CES5A: variants seen among roughly 807,000 people sequenced by gnomAD.
CES5A encodes carboxylesterase 5A.
A neutral mutation model predicts 62.9 loss-of-function variants in CES5A; 67 were observed. The observed-to-expected ratio is 1.07, with a 90% CI of 0.88 to 1.31. The LOEUF (loss-of-function observed/expected upper bound fraction) is 1.31. CES5A is among the 50% of genes most tolerant of loss of function. CES5A has a pLI of 0.00. For synonymous variants in CES5A, 296 were observed against 280.8 expected, an observed-to-expected ratio of 1.05 and a Z score of -0.54; for missense variants, 748 against 708.5, an observed-to-expected ratio of 1.06 and a Z score of -0.63.
intron 2 of CES5A, among the ~76,000 whole-genome samples, chr16:55,944,923 A>G (rs1389283007): frequency 1.3e-5 from 2 of 152,224 alleles, no homozygotes; most frequent in Non-Finnish European, 1.5e-5. Flanking sequence ...CCCAGACCCT[A>G]TACTCAAGGG....
intron 8 of CES5A, among the ~76,000 whole-genome samples, chr16:55,858,836 C>T (rs1288616475): frequency 6.6e-6 from 1 of 152,196 alleles, no homozygotes; most frequent in East Asian, 1.9e-4. Flanking sequence ...ATCAAAAAAT[C>T]ATGGGTCTTT....
chr16:55,930,244 A>G (rs753910772), upstream of CES5A, among the ~76,000 whole-genome samples: 8 of 150,688 alleles, frequency 5.3e-5, no homozygotes, highest in Non-Finnish European at 7.4e-5. Flanking sequence ...TGTCTGACCA[A>G]CTGGATCCCC....
intron 11 of CES5A, among the ~76,000 whole-genome samples, chr16:55,849,255 T>C (rs986715856): frequency 6.6e-6 from 1 of 152,110 alleles, no homozygotes; most frequent in Admixed American, 6.5e-5. Flanking sequence ...CCTTGCCTCT[T>C]AAAGCCTCAG....
At chr16:55,871,905 A>G in intron 2 of CES5A, 142 bp from the exon 3 acceptor site, 1 of 756,922 alleles carries the variant, frequency 1.3e-6, no homozygotes, top group Non-Finnish European at 2.1e-6. Flanking sequence ...AAGTCCAATC[A>G]TGCCCAAACC....
chr16:55,951,103 CAAAAAAAAAAAA>C (rs55951124), intron 1 of CES5A, among the ~76,000 whole-genome samples: 7 of 44,364 alleles, frequency 1.6e-4, no homozygotes, highest in African/African-American at 2.5e-4. Context: ...GACTCCATCT[CAAAAAAAAAAAA>C]AAAAAAAAAA....
In CES5A at chr16:55,875,327, A is replaced by G; in HGVS notation, c.-106T>C. On this transcript the variant is annotated 5_prime_UTR_variant, in exon 1 of 13. Coordinates refer to ENST00000290567, the MANE Select transcript of CES5A (RefSeq NM_001143685.2). ...TCCTGTTAACAGGCAAATGCTGAAT[A>G]GGCAGGCAGAGGCAGCAGAGTTACT... 3 of 1,515,646 alleles carry G rather than the reference A, an allele frequency of 2.0e-6. No homozygotes were observed. The highest frequency in any genetic ancestry group is 2.6e-6 in the Non-Finnish European group (3 of 1,136,234). 93.9% of individuals were successfully genotyped at this position (1,515,646 alleles called of 1,614,324 possible).
chr16:55,848,572 T>C (rs2033064202), intron 11 of CES5A, among the ~76,000 whole-genome samples: 2 of 152,226 alleles, frequency 1.3e-5, no homozygotes, highest in African/African-American at 4.8e-5. Flanking sequence ...GTTTTCTTGT[T>C]ATGAGGGAGG....
At chr16:55,941,053 T>C (rs1222593581) in intron 2 of CES5A, among the ~76,000 whole-genome samples, 2 of 152,142 alleles carry the variant, frequency 1.3e-5, no homozygotes, top group African/African-American at 2.4e-5. Context: ...TTCTACTTAA[T>C]GGCAAATTAT....
intron 1 of CES5A, among the ~76,000 whole-genome samples, chr16:55,890,535 A>G (rs1312730054): frequency 6.6e-6 from 1 of 152,212 alleles, no homozygotes; most frequent in Non-Finnish European, 1.5e-5. Context: ...TGAGACCTGC[A>G]TAACCTTGAT....
intron 1 of CES5A, among the ~76,000 whole-genome samples, chr16:55,898,826 A>T (rs889432633): frequency 2.0e-5 from 3 of 152,122 alleles, no homozygotes; most frequent in Admixed American, 6.6e-5. Flanking sequence ...TGAGATCATC[A>T]CAGGCATGGT....
Position 55,854,544 on chromosome 16 carries a change from C to CTTTTTTTT in CES5A, c.1126-1524_1126-1517dup, listed in dbSNP as rs56017491. Among the ~76,000 whole-genome samples the CTTTTTTTT allele has an allele frequency of 1.3e-3, 82 of 64,406 alleles. 19 individuals are homozygous for CTTTTTTTT. In the South Asian group the frequency reaches 0.034, roughly 26 times the overall value. The allele number at this position is 64,406 out of a possible 152,430, so 42.3% of individuals were successfully genotyped here. On this transcript the variant is annotated intron_variant, in intron 9 of 12. Coordinates refer to ENST00000290567, the MANE Select transcript of CES5A (RefSeq NM_001143685.2). ...CCTGTAGTGTTTCTTTTTTTTTTTT[C>CTTTTTTTT]TTTTTTTTTTTTTGAGACAGAGTCT...
At chr16:55,884,655 G>C (rs2033796664) in intron 1 of CES5A, among the ~76,000 whole-genome samples, 1 of 151,886 alleles carries the variant, frequency 6.6e-6, no homozygotes, top group Non-Finnish European at 1.5e-5. Context: ...GCAATAGCAT[G>C]ATCACAGTTC....
chr16:55,915,594 T>C lies in CES5A; in HGVS notation c.-256+9729A>G, dbSNP rs540968252. Among the ~76,000 whole-genome samples the C allele has an allele frequency of 7.9e-5, 12 of 152,182 alleles. No individual in the cohort carries two copies. In the East Asian group the frequency reaches 1.9e-3, roughly 25 times the overall value. ...GGAAGAGGCCTGGAATATCTGATCA[T>C]TGTGCTAACAACAAGGTCTTTAAGC... On this transcript the variant is annotated intron_variant, in intron 1 of 12. Transcript: ENST00000518005.
intron 1 of CES5A, among the ~76,000 whole-genome samples, chr16:55,902,245 T>A (rs1262879161): frequency 6.6e-6 from 1 of 152,190 alleles, no homozygotes; most frequent in Non-Finnish European, 1.5e-5. Context: ...GAGGAGGCTG[T>A]GATCCATGGA....
intron 1 of CES5A, among the ~76,000 whole-genome samples, chr16:55,881,455 A>G (rs1283150241): frequency 3.3e-5 from 5 of 152,218 alleles, no homozygotes; most frequent in Non-Finnish European, 5.9e-5. Context: ...GAGAGAATTT[A>G]TTAGCACAAG....
chr16:55,890,635 C>T (rs1458552503), intron 1 of CES5A, among the ~76,000 whole-genome samples: 1 of 152,042 alleles, frequency 6.6e-6, no homozygotes, highest in Non-Finnish European at 1.5e-5. Flanking sequence ...CTTTAAAATA[C>T]TAGCAATTCA....
intron 2 of CES5A, among the ~76,000 whole-genome samples, chr16:55,948,888 A>G (rs2034525452): frequency 1.3e-5 from 2 of 152,184 alleles, no homozygotes; most frequent in Admixed American, 1.3e-4. Flanking sequence ...TTTTGTCTTG[A>G]CTGACTGAAT....
intron 4 of CES5A, among the ~76,000 whole-genome samples, chr16:55,866,487 G>A (rs7205351): frequency 0.3 from 45,990 of 151,000 alleles, 7,377 homozygotes; most frequent in African/African-American, 0.38. Flanking sequence ...AAGTTTCCTG[G>A]GCACAGAATT....
chr16:55,889,757 C>T (rs994621497), intron 1 of CES5A, among the ~76,000 whole-genome samples: 2 of 152,254 alleles, frequency 1.3e-5, no homozygotes, highest in Non-Finnish European at 2.9e-5. Context: ...CCCTTACCCT[C>T]TAATCACATG....
Sources: allele counts gnomAD v4.1 joint callset (sites outside exome capture counted in the v4.1 genomes callset), GRCh38; gene constraint gnomAD v4.1.1; transcripts MANE v1.5; gene names NCBI Gene and HGNC (gene_info 2026-07-23, HGNC 2026-07-21).